KLF8: variants seen among roughly 807,000 people sequenced by gnomAD.
KLF8 encodes the protein KLF transcription factor 8.
A neutral mutation model predicts 18.2 loss-of-function variants in KLF8; 10 were observed. The ratio of observed to expected loss-of-function variants is 0.55; its 90% CI spans 0.34 to 0.93. The LOEUF (loss-of-function observed/expected upper bound fraction) is 0.93. Among genes scored for constraint, KLF8 ranks in the 40% least tolerant of loss-of-function variants. The pLI is 0.02. For synonymous variants in KLF8, 109 were observed against 97.3 expected, an observed-to-expected ratio of 1.12 and a Z score of -0.71; for missense variants, 264 against 277.9, an observed-to-expected ratio of 0.95 and a Z score of 0.36.
At chrX:56,068,510 C>T in the KLF8 span, among the ~76,000 whole-genome samples, 2 of 112,144 alleles carry the variant, frequency 1.8e-5, no homozygotes, top group Non-Finnish European at 1.9e-5. Context: ...GAGCACACAG[C>T]TTCCTGTTGT....
At chrX:55,924,849 CTTTTTTT>C in the KLF8 span, among the ~76,000 whole-genome samples, 194 of 42,916 alleles carry the variant, frequency 4.5e-3, no homozygotes, top group Non-Finnish European at 5.2e-3. Context: ...TTGTTTTTTG[CTTTTTTT>C]TTTTTTTTTT....
At chrX:56,185,752 G>T in the KLF8 span, among the ~76,000 whole-genome samples, 6 of 111,601 alleles carry the variant, frequency 5.4e-5, no homozygotes, top group Admixed American at 9.5e-5. Flanking sequence ...TTTCAACCCA[G>T]AATTTCATAT....
the KLF8 span, among the ~76,000 whole-genome samples, chrX:56,164,086 G>A: frequency 1.2e-5 from 1 of 82,034 alleles, no homozygotes; most frequent in Non-Finnish European, 2.4e-5. Flanking sequence ...CTCTCGTTTG[G>A]TTCCATATGA....
the KLF8 span, among the ~76,000 whole-genome samples, chrX:55,976,361 C>T: frequency 2.7e-5 from 3 of 110,976 alleles, no homozygotes; most frequent in Non-Finnish European, 5.7e-5. Flanking sequence ...TACTCAATAT[C>T]GTCCCATTTC....
chrX:55,960,346 G>A, the KLF8 span, among the ~76,000 whole-genome samples: 11 of 110,850 alleles, frequency 9.9e-5, no homozygotes, highest in Non-Finnish European at 1.9e-4. Flanking sequence ...GAGAAACCCC[G>A]TCTCTACTAA....
chrX:56,078,242 A>T, the KLF8 span, among the ~76,000 whole-genome samples: 1 of 111,843 alleles, frequency 8.9e-6, no homozygotes, highest in Admixed American at 9.5e-5. Context: ...GAATGCTTCC[A>T]GTTTTTGCCC....
the KLF8 span, among the ~76,000 whole-genome samples, chrX:55,950,295 G>A: frequency 1.8e-5 from 2 of 110,961 alleles, no homozygotes; most frequent in South Asian, 7.9e-4. Context: ...AGTTAGTCCT[G>A]CAGAGAGCGG....
chrX:56,174,361 T>G, the KLF8 span, among the ~76,000 whole-genome samples: 1 of 111,771 alleles, frequency 8.9e-6, no homozygotes, highest in Non-Finnish European at 1.9e-5. Flanking sequence ...AATCAGGTGG[T>G]TTTTGTCTTT....
the KLF8 span, among the ~76,000 whole-genome samples, chrX:55,942,482 A>T: frequency 9.0e-6 from 1 of 110,704 alleles, no homozygotes; most frequent in Non-Finnish European, 1.9e-5. Context: ...ACAAATCTGT[A>T]CGTCATGCAC....
chrX:55,997,544 T>C, the KLF8 span, among the ~76,000 whole-genome samples: 24,019 of 110,784 alleles, frequency 0.22, 5,429 homozygotes, highest in African/African-American at 0.69. Flanking sequence ...CAACCATGTG[T>C]AGGATTCCCA....
the KLF8 span, among the ~76,000 whole-genome samples, chrX:56,155,415 T>G: frequency 9.1e-6 from 1 of 109,947 alleles, no homozygotes; most frequent in African/African-American, 3.3e-5. Flanking sequence ...TGAGAACACT[T>G]GGACACAGGA....
the KLF8 span, among the ~76,000 whole-genome samples, chrX:56,181,639 C>A: frequency 9.0e-6 from 1 of 111,584 alleles, no homozygotes; most frequent in African/African-American, 3.3e-5. Context: ...CCTTCAGGAG[C>A]TCTTGAAAGG....
chrX:56,209,949 C>A, the KLF8 span, among the ~76,000 whole-genome samples: 1 of 111,906 alleles, frequency 8.9e-6, no homozygotes, highest in Non-Finnish European at 1.9e-5. Flanking sequence ...AGTTTGTCCT[C>A]CTGCTTTTTA....
the KLF8 span, among the ~76,000 whole-genome samples, chrX:55,958,769 T>C: frequency 8.9e-6 from 1 of 112,463 alleles, no homozygotes; most frequent in East Asian, 2.8e-4. Flanking sequence ...TAGGAATAGA[T>C]AAGGTTCTTG....
chrX:55,942,757 G>T, the KLF8 span, among the ~76,000 whole-genome samples: 2 of 111,823 alleles, frequency 1.8e-5, no homozygotes, highest in Admixed American at 9.5e-5. Context: ...TGGAAGAAGA[G>T]CATGTCCGAC....
the KLF8 span, among the ~76,000 whole-genome samples, chrX:56,166,412 G>A: frequency 9.0e-6 from 1 of 111,623 alleles, no homozygotes; most frequent in African/African-American, 3.2e-5. Context: ...GCACCATCAG[G>A]ACAAGTATCA....
At chrX:56,136,923 C>A in the KLF8 span, among the ~76,000 whole-genome samples, 1 of 111,655 alleles carries the variant, frequency 9.0e-6, no homozygotes, top group East Asian at 2.8e-4. Context: ...AAACAAACAA[C>A]CCCATCAAAA....
At chrX:56,141,478 T>C in the KLF8 span, among the ~76,000 whole-genome samples, 4 of 111,618 alleles carry the variant, frequency 3.6e-5, no homozygotes, top group Non-Finnish European at 5.6e-5. Context: ...ATTTAATTTA[T>C]TAAGTAATCT....
chrX:56,168,838 T>C, the KLF8 span, among the ~76,000 whole-genome samples: 1 of 111,376 alleles, frequency 9.0e-6, no homozygotes, highest in Non-Finnish European at 1.9e-5. Context: ...CATCCTTTTT[T>C]ATGGCTGCAC....
Sources: allele counts gnomAD v4.1 joint callset (sites outside exome capture counted in the v4.1 genomes callset), GRCh38; gene constraint gnomAD v4.1.1; transcripts MANE v1.5; gene names NCBI Gene and HGNC (gene_info 2026-07-23, HGNC 2026-07-21).